TEF: variants seen among roughly 807,000 people sequenced by gnomAD.
TEF encodes the protein thyrotroph embryonic factor.
A neutral mutation model predicts 20.8 loss-of-function variants in TEF; 3 were observed. The observed-to-expected ratio is 0.14, with a 90% CI of 0.07 to 0.37. The LOEUF (loss-of-function observed/expected upper bound fraction) is 0.37. Ranked by LOEUF, TEF falls within the 10% of genes least tolerant of loss-of-function variation. The pLI, the probability that TEF is intolerant of heterozygous loss-of-function variation, is 1.00. For missense variants in TEF, 296 were observed against 397.9 expected, an observed-to-expected ratio of 0.74 and a Z score of 2.18; for synonymous variants, 180 against 171.1, an observed-to-expected ratio of 1.05 and a Z score of -0.41.
intron 2 of TEF, among the ~76,000 whole-genome samples, chr22:41,391,663 G>A (rs1471604298): frequency 7.2e-6 from 1 of 139,022 alleles, no homozygotes; most frequent in Non-Finnish European, 1.5e-5. Context: ...TCACTCTGTC[G>A]CCAGGCTGGA....
intron 1 of TEF, among the ~76,000 whole-genome samples, chr22:41,368,462 C>G (rs60992386): frequency 6.6e-6 from 1 of 152,068 alleles, no homozygotes; most frequent in African/African-American, 2.4e-5. Context: ...CCTAGCATCA[C>G]CAGGTGGCCC....
intron 1 of TEF, among the ~76,000 whole-genome samples, chr22:41,386,237 G>T (rs1231764980): frequency 6.6e-6 from 1 of 152,114 alleles, no homozygotes; most frequent in African/African-American, 2.4e-5. Flanking sequence ...TCAGAAGTTC[G>T]AAACCAGTCT....
intron 2 of TEF, among the ~76,000 whole-genome samples, chr22:41,389,853 A>G (rs1412806674): frequency 2.0e-5 from 3 of 152,046 alleles, no homozygotes; most frequent in African/African-American, 4.8e-5. Flanking sequence ...GTTGAAGGAC[A>G]TTCTGATTTT....
At chr22:41,370,666 C>A (rs545160513) in intron 1 of TEF, among the ~76,000 whole-genome samples, 16 of 152,222 alleles carry the variant, frequency 1.1e-4, no homozygotes, top group Non-Finnish European at 1.9e-4. Flanking sequence ...GCTGCCTCAG[C>A]CTCCCAAAGT....
At chr22:41,369,131 G>T (rs866452734) in intron 1 of TEF, 1 of 985,408 alleles carries the variant, frequency 1.0e-6, no homozygotes, top group Non-Finnish European at 1.2e-6. Flanking sequence ...GGGGCAGGGA[G>T]GATTCTCAGG....
At chr22:41,387,950 A>G (rs1345064294) in intron 2 of TEF, among the ~76,000 whole-genome samples, 3 of 147,280 alleles carry the variant, frequency 2.0e-5, no homozygotes, top group Admixed American at 6.8e-5. Context: ...ATTACAGGAT[A>G]GAAATCCCAT....
At chr22:41,383,109 G>A (rs1440542642) in intron 1 of TEF, 2 of 457,872 alleles carry the variant, frequency 4.4e-6, no homozygotes, top group South Asian at 1.6e-5. Context: ...ATTTCCAAGA[G>A]CCATCAGTTA....
At chr22:41,387,275 G>C in intron 1 of TEF, 76 bp from the exon 2 acceptor site, 1 of 1,517,928 alleles carries the variant, frequency 6.6e-7, no homozygotes, top group South Asian at 1.2e-5. Context: ...GGCCAGGCCT[G>C]TGAGGCTCAC....
intron 1 of TEF, among the ~76,000 whole-genome samples, chr22:41,385,631 C>T (rs976146145): frequency 4.6e-5 from 7 of 152,176 alleles, no homozygotes; most frequent in Admixed American, 6.5e-5. Flanking sequence ...GACTCCATTT[C>T]CCTCCTTGTA....
intron 1 of TEF, among the ~76,000 whole-genome samples, chr22:41,376,610 G>A (rs1225657038): frequency 1.3e-5 from 2 of 152,204 alleles, no homozygotes; most frequent in Non-Finnish European, 2.9e-5. Context: ...TCCAGCTTTG[G>A]AAAATGGACA....
chr22:41,392,808 G>T lies in TEF; in HGVS notation c.476-1288G>T. On this transcript the variant is annotated intron_variant, in intron 2 of 3. Transcript: ENST00000266304. ...TCCCAGCATTTTGGGAGGCCGAGGCGGGTGGATCACTTGAGCTCAGCAGTT... is the reference window on the plus strand; with the variant it reads ...TCCCAGCATTTTGGGAGGCCGAGGCTGGTGGATCACTTGAGCTCAGCAGTT... Among the ~76,000 whole-genome samples, 3 of 151,076 alleles carry T rather than the reference G, an allele frequency of 2.0e-5. No homozygotes were observed. The South Asian group carries it at 6.3e-4, about 32-fold the overall frequency.
intron 1 of TEF, among the ~76,000 whole-genome samples, chr22:41,370,570 G>A (rs1294719945): frequency 2.0e-5 from 3 of 151,646 alleles, no homozygotes; most frequent in Non-Finnish European, 4.4e-5. Context: ...CCGCCACCAC[G>A]CCCGGCTAAT....
At chr22:41,395,644 G>A in intron 3 of TEF, 101 bp from the exon 4 acceptor site, 1 of 1,204,658 alleles carries the variant, frequency 8.3e-7, no homozygotes, top group Non-Finnish European at 1.2e-6. Context: ...TTTAGCTCTG[G>A]CCACACCAGA....
rs544453414 is a variant in TEF, at chr22:41,367,505, C to A, written c.-28C>A. ...AGCACCTCCTGCTGGGCTGTGTGAG[C>A]TGCGACTGGTTCTCAGTGGCCCCTG... On this transcript the variant is annotated 5_prime_UTR_variant, in exon 1 of 4. Transcript: ENST00000406644. The A allele has an allele frequency of 1.9e-6, 3 of 1,549,148 alleles. No homozygotes were observed. The Admixed American group carries it at 5.9e-5, about 30-fold the overall frequency.
intron 1 of TEF, chr22:41,367,614 G>C (rs1458156521): frequency 6.4e-7 from 1 of 1,550,480 alleles, no homozygotes; most frequent in African/African-American, 1.4e-5. Context: ...GAGCACAGGT[G>C]ACCTGCATTG....
intron 1 of TEF, among the ~76,000 whole-genome samples, chr22:41,385,284 C>G (rs983724280): frequency 2.6e-5 from 4 of 151,994 alleles, no homozygotes; most frequent in African/African-American, 9.7e-5. Context: ...CGCTTGAACA[C>G]GGGAGGCGAA....
intron 1 of TEF, among the ~76,000 whole-genome samples, chr22:41,384,764 T>C (rs1338582787): frequency 6.6e-6 from 1 of 152,178 alleles, no homozygotes; most frequent in Non-Finnish European, 1.5e-5. Flanking sequence ...ACTTTTTTTT[T>C]CTTTCGAGAC....
upstream of TEF, among the ~76,000 whole-genome samples, chr22:41,379,900 AAAAAAAAG>A (rs1409852935): frequency 3.1e-5 from 4 of 128,270 alleles, no homozygotes; most frequent in Admixed American, 9.3e-5. Context: ...TCTCAAAAAA[AAAAAAAAG>A]AAAAAAAGAA....
At chr22:41,369,822 G>C (rs2036860150) in intron 1 of TEF, 1 of 831,922 alleles carries the variant, frequency 1.2e-6, no homozygotes, top group Non-Finnish European at 1.4e-6. Flanking sequence ...AGAAAACAGG[G>C]ATGCCCTCAG....
Sources: allele counts gnomAD v4.1 joint callset (sites outside exome capture counted in the v4.1 genomes callset), GRCh38; gene constraint gnomAD v4.1.1; transcripts MANE v1.5; gene names NCBI Gene and HGNC (gene_info 2026-07-23, HGNC 2026-07-21).